Variants in NDUFS1 observed in about 807,000 individuals in gnomAD.
NDUFS1 encodes NADH:ubiquinone oxidoreductase core subunit S1.
A neutral mutation model predicts 84.4 loss-of-function variants in NDUFS1; 61 were observed. The observed-to-expected ratio is 0.72, with a 90% confidence interval of 0.59 to 0.89. The LOEUF is 0.89. NDUFS1 is among the 40% of genes least tolerant of loss of function. The pLI is 0.00. For missense variants in NDUFS1, 891 were observed against 890.0 expected (o/e 1.00, Z -0.01); for synonymous variants, 275 against 290.0 (o/e 0.95, Z 0.53).
At chr2:206,151,979 C>T (rs1692386030) in intron 3 of NDUFS1, among the ~76,000 whole-genome samples, 1 of 152,192 alleles carries the variant, frequency 6.6e-6, no homozygotes, top group Non-Finnish European at 1.5e-5. Context: ...AATTCTCCTG[C>T]CTCAGCCTCT....
intron 8 of NDUFS1, among the ~76,000 whole-genome samples, chr2:206,145,535 T>C (rs1394930344): frequency 6.6e-6 from 1 of 152,134 alleles, no homozygotes; most frequent in Non-Finnish European, 1.5e-5. Flanking sequence ...CTGGGACGAT[T>C]CAACAAGAGG....
intron 14 of NDUFS1, among the ~76,000 whole-genome samples, chr2:206,130,751 C>T (rs1691481298): frequency 6.6e-6 from 1 of 152,200 alleles, no homozygotes; most frequent in South Asian, 2.1e-4. Flanking sequence ...ATGTCAGATT[C>T]TTAGGACGCT....
chr2:206,140,806 C>T (rs192098925), intron 12 of NDUFS1, among the ~76,000 whole-genome samples: 55 of 151,974 alleles, frequency 3.6e-4, no homozygotes, highest in Non-Finnish European at 2.4e-4. Context: ...TAAGAGAATG[C>T]TCCTTGTTCT....
intron 12 of NDUFS1, among the ~76,000 whole-genome samples, chr2:206,139,278 C>T (rs1480018824): frequency 2.0e-5 from 3 of 151,992 alleles, no homozygotes; most frequent in East Asian, 1.9e-4. Flanking sequence ...CTCCACCTCC[C>T]GGGTTCCAGC....
rs113707646 is a variant in NDUFS1, at chr2:206,127,633, A to G, written c.1884+164T>C. ...CAGCGGTGCAATGAGAGCTCACTGT[A>G]ACCTTGAATTCCTGTTTCTGAATAC... On this transcript the variant is annotated intron_variant, in intron 16 of 18. Coordinates refer to ENST00000233190, the MANE Select transcript of NDUFS1 (RefSeq NM_005006.7). 2.6e-3 allele frequency: 1,923 copies of G among 735,644 alleles called. 21 individuals carry two copies. The African/African-American group carries it at 0.03, about 11-fold the overall frequency. 45.6% of individuals were successfully genotyped at this position (735,644 alleles called of 1,614,324 possible).
rs1254196612 is a variant in NDUFS1, at chr2:206,133,041, C to G, written c.1457G>C (p.Gly486Ala). ...LGSSALQRND[G>A]AAILAAVSSI... Reference sequence around the variant, plus strand: ...AGAAACAGCTGCAAGAATTGCTGCTCCATCATTTCTTTGGAGTGCAGAACT... The same window carrying G: ...AGAAACAGCTGCAAGAATTGCTGCTGCATCATTTCTTTGGAGTGCAGAACT... Residue 486 changes from glycine to alanine, a missense_variant, in exon 14 of 19, where the codon GGA (glycine) becomes GCA (alanine). Physicochemically the swap from Gly to Ala is moderately conservative, Grantham distance 60. Transcript: ENST00000233190. The G allele has an allele frequency of 5.0e-6, 8 of 1,613,376 alleles. No homozygotes were observed. In the African/African-American group the frequency reaches 1.1e-4, roughly 22 times the overall value.
In NDUFS1 at chr2:206,136,334, G is replaced by A. The variant is rs183813302; in HGVS notation, c.1392+2151C>T. ...CCCAAAGTACTGGAATTACAGGCAT[G>A]AGCCACCGCACCCAGCCTGCATCAG... On this transcript the variant is annotated intron_variant, in intron 13 of 18. Transcript: ENST00000233190. Among the ~76,000 whole-genome samples, 660 of 151,278 alleles carry A rather than the reference G, an allele frequency of 4.4e-3. 4 individuals carry two copies. The highest frequency in any genetic ancestry group is 0.017 in the Middle Eastern group (5 of 294).
At chr2:206,141,410 T>C (rs1353410965) in intron 12 of NDUFS1, among the ~76,000 whole-genome samples, 1 of 151,638 alleles carries the variant, frequency 6.6e-6, no homozygotes, top group Non-Finnish European at 1.5e-5. Flanking sequence ...CGGGCGCCTG[T>C]AGTCCCAGCT....
Position 206,116,352 on chromosome 2 carries a change from A to G in NDUFS1, c.*7833T>C. 1 of 863,214 alleles carries G rather than the reference A, an allele frequency of 1.2e-6. No individual in the cohort carries two copies. The highest frequency in any genetic ancestry group is 2.0e-6 in the Non-Finnish European group (1 of 498,462). The allele number at this position is 863,214 out of a possible 1,614,324, so 53.5% of individuals were successfully genotyped here. A position where few individuals can be genotyped will look rare whatever the true frequency, so the allele number is the denominator to read the frequency against. On this transcript the variant is annotated 3_prime_UTR_variant, in exon 19 of 19. Transcript: ENST00000233190. The stretch of plus-strand genomic sequence containing the variant: ...GCACCAAACTCATCTTGTTTGTTCA[A>G]TTTTGTCCCAACTTCAGGCAGATTA...
In NDUFS1 at chr2:206,149,933, T is replaced by TAAAAAAA; in HGVS notation, c.154-15_154-9dup. ...GCCAACCTTCTCACAAGCCTAGAAG[T>TAAAAAAA]AAAAAAAAAAAAAAAAAAAAAAAAA... On this transcript the variant is annotated splice_polypyrimidine_tract_variant and intron_variant, in intron 3 of 18. Transcript: ENST00000233190. 1 of 602,020 alleles carries TAAAAAAA rather than the reference T, an allele frequency of 1.7e-6. No individual in the cohort carries two copies. The highest frequency in any genetic ancestry group is 1.8e-5 in the South Asian group (1 of 56,098). 37.3% of individuals were successfully genotyped at this position (602,020 alleles called of 1,614,324 possible). A position where few individuals can be genotyped will look rare whatever the true frequency, so the allele number is the denominator to read the frequency against.
intron 13 of NDUFS1, among the ~76,000 whole-genome samples, chr2:206,137,973 T>C (rs41488645): frequency 0.026 from 4,006 of 152,294 alleles, 177 homozygotes; most frequent in African/African-American, 0.092. Flanking sequence ...TATTCATCCA[T>C]CTTGCTTTGC....
intron 1 of NDUFS1, among the ~76,000 whole-genome samples, chr2:206,158,907 T>C (rs573499938): frequency 6.6e-5 from 10 of 152,300 alleles, no homozygotes; most frequent in South Asian, 2.1e-4. Context: ...GCGTGAGCCA[T>C]TGCTAACACA....
At chr2:206,147,485 G>C (rs368135226) in intron 7 of NDUFS1, 46 bp downstream of exon 7, 36 of 1,533,340 alleles carry the variant, frequency 2.3e-5, no homozygotes, top group African/African-American at 1.7e-4. Context: ...TGACTATTAA[G>C]TATACAATTA....
At chr2:206,142,619 C>T (rs762339774) in intron 11 of NDUFS1, 67 bp downstream of exon 11, 8 of 1,591,264 alleles carry the variant, frequency 5.0e-6, no homozygotes, top group Non-Finnish European at 6.9e-6. Context: ...CAGGTTGTCA[C>T]ATTTTATACA....
At chr2:206,141,165 C>T (rs1220588048) in intron 12 of NDUFS1, among the ~76,000 whole-genome samples, 1 of 152,014 alleles carries the variant, frequency 6.6e-6, no homozygotes, top group Non-Finnish European at 1.5e-5. Flanking sequence ...CCTGTAATCC[C>T]AGTACTTTGG....
rs928971055 is a variant in NDUFS1 at position 206,150,004 on chromosome 2, A to C, written c.154-79T>G. 3.5e-5 allele frequency: 31 copies of C among 892,508 alleles called. No homozygotes were observed. In the Admixed American group the frequency reaches 6.1e-4, roughly 18 times the overall value. 55.3% of individuals were successfully genotyped at this position (892,508 alleles called of 1,614,324 possible). On this transcript the variant is annotated intron_variant, in intron 3 of 18. Transcript: ENST00000233190. Reference sequence around the variant, plus strand: ...CACTGCTGTTATTGCTGAAACACACACATACAGCATCTTATTACTTCTATC... The same window carrying C: ...CACTGCTGTTATTGCTGAAACACACCCATACAGCATCTTATTACTTCTATC...
intron 14 of NDUFS1, among the ~76,000 whole-genome samples, chr2:206,131,117 T>C (rs1691496418): frequency 1.3e-5 from 2 of 152,192 alleles, no homozygotes; most frequent in Admixed American, 1.3e-4. Context: ...ATTTGTTAAC[T>C]ATCTAGAAAT....
intron 7 of NDUFS1, 24 bp downstream of exon 7, chr2:206,147,507 A>G (rs938238247): frequency 1.3e-6 from 2 of 1,597,892 alleles, no homozygotes; most frequent in Non-Finnish European, 1.7e-6. Flanking sequence ...ATTCTATAAT[A>G]GAAAAAAAAG....
chr2:206,156,741 A>T (rs1044477301), intron 1 of NDUFS1, among the ~76,000 whole-genome samples: 15 of 152,362 alleles, frequency 9.8e-5, no homozygotes, highest in African/African-American at 3.4e-4. Flanking sequence ...AGGAAATTTC[A>T]TTCATAAATT....
Sources: gnomAD v4.1 joint callset for allele counts (sites outside exome capture counted in the v4.1 genomes callset) on GRCh38, gnomAD v4.1.1 for gene constraint, MANE v1.5 for transcripts, NCBI Gene and HGNC (gene_info 2026-07-23, HGNC 2026-07-21) for gene names.